STXBP5L: variants seen among roughly 807,000 people sequenced by gnomAD.
STXBP5L encodes the protein syntaxin-binding protein 5-like.
STXBP5L carries 65 observed loss-of-function variants against 144.5 expected under a neutral mutation model. That is an observed-to-expected ratio of 0.45 (90% CI 0.37 to 0.55). The LOEUF (loss-of-function observed/expected upper bound fraction) is 0.55. STXBP5L is among the 20% of genes least tolerant of loss of function. STXBP5L has a pLI of 0.00. For synonymous variants in STXBP5L, 505 were observed against 469.6 expected (o/e 1.08, Z -0.97); for missense variants, 1,298 against 1,405.5 (o/e 0.92, Z 1.22).
intron 9 of STXBP5L, among the ~76,000 whole-genome samples, chr3:121,191,224 C>T (rs969383652): frequency 1.3e-4 from 20 of 152,272 alleles, no homozygotes; most frequent in East Asian, 3.9e-4. Context: ...GCCGAGATCA[C>T]GCCACTGCAC....
At chr3:121,114,500 TATG>T (rs1170843104) in intron 5 of STXBP5L, among the ~76,000 whole-genome samples, 1 of 152,124 alleles carries the variant, frequency 6.6e-6, no homozygotes, top group Non-Finnish European at 1.5e-5. Flanking sequence ...TTGAAGCAAA[TATG>T]ATCTTAAAAA....
chr3:121,165,657 G>A (rs2108036457), intron 9 of STXBP5L, among the ~76,000 whole-genome samples: 1 of 152,160 alleles, frequency 6.6e-6, no homozygotes, highest in South Asian at 2.1e-4. Context: ...AGGAAAAAAA[G>A]GGAAACAAGG....
chr3:121,407,795 C>T, intron 23 of STXBP5L, 192 bp downstream of exon 23: 1 of 736,880 alleles, frequency 1.4e-6, no homozygotes, highest in South Asian at 2.2e-5. Flanking sequence ...TTTGGTTTTT[C>T]TTTTCTGCTA....
intron 19 of STXBP5L, among the ~76,000 whole-genome samples, chr3:121,312,443 A>T (rs2043568336): frequency 4.5e-5 from 3 of 66,814 alleles, no homozygotes; most frequent in Non-Finnish European, 8.4e-5. Flanking sequence ...AAGGTATGTC[A>T]ATCTTTTTTT....
rs182966675 is a variant in STXBP5L, at chr3:120,989,900, G to A, written c.287+34863G>A. Among the ~76,000 whole-genome samples, 386 of 152,242 alleles carry A rather than the reference G, an allele frequency of 2.5e-3. 1 individual carries two copies. The highest frequency in any genetic ancestry group is 8.7e-3 in the African/African-American group (360 of 41,536). On this transcript the variant is annotated intron_variant, in intron 3 of 26. Coordinates refer to ENST00000471454, the MANE Select transcript of STXBP5L (RefSeq NM_001308330.2). ...GCATTCTCTTTGAAAACTGGCACAA[G>A]ACAGGGATGCCCTCTCTCACCACTT...
chr3:121,027,006 A>T (rs1027905745), intron 3 of STXBP5L, among the ~76,000 whole-genome samples: 1 of 151,940 alleles, frequency 6.6e-6, no homozygotes, highest in African/African-American at 2.4e-5. Flanking sequence ...CTTCAGCTCA[A>T]AATAATCCAT....
chr3:120,953,159 A>T (rs1395066543), intron 2 of STXBP5L, among the ~76,000 whole-genome samples: 1 of 152,002 alleles, frequency 6.6e-6, no homozygotes, highest in African/African-American at 2.4e-5. Flanking sequence ...AATGGATCTT[A>T]CAGACATGCT....
chr3:121,345,998 C>T (rs1485227388), intron 20 of STXBP5L, among the ~76,000 whole-genome samples: 1 of 151,794 alleles, frequency 6.6e-6, no homozygotes, highest in African/African-American at 2.4e-5. Context: ...TACGTGTGCA[C>T]AACGTGCGGG....
chr3:121,247,696 C>T (rs1454382905), intron 14 of STXBP5L, among the ~76,000 whole-genome samples: 2 of 152,132 alleles, frequency 1.3e-5, no homozygotes, highest in Non-Finnish European at 2.9e-5. Context: ...TATATATGTA[C>T]TATATTTTCT....
At chr3:120,941,946 T>C (rs947514104) in intron 2 of STXBP5L, among the ~76,000 whole-genome samples, 2 of 151,800 alleles carry the variant, frequency 1.3e-5, no homozygotes, top group African/African-American at 4.8e-5. Flanking sequence ...CATATGCTCC[T>C]ATAAGCATTT....
chr3:121,104,049 G>T (rs73189326), intron 5 of STXBP5L, among the ~76,000 whole-genome samples: 5,415 of 152,182 alleles, frequency 0.036, 146 homozygotes, highest in Middle Eastern at 0.082. Context: ...CTACATGCTG[G>T]TACATAGTAT....
chr3:120,975,161 C>T (rs1221810088), intron 3 of STXBP5L, among the ~76,000 whole-genome samples: 1 of 152,212 alleles, frequency 6.6e-6, no homozygotes, highest in Non-Finnish European at 1.5e-5. Context: ...GATATTGCTT[C>T]TTCCTACTCA....
chr3:120,939,135 C>A (rs2107645867), intron 2 of STXBP5L, among the ~76,000 whole-genome samples: 1 of 152,230 alleles, frequency 6.6e-6, no homozygotes, highest in Non-Finnish European at 1.5e-5. Flanking sequence ...TACCACCCAT[C>A]TCATGGGGCT....
At position 121,271,578 on chromosome 3, in the gene STXBP5L, T is replaced by C. The variant is rs577227977; in HGVS notation, c.1959-8227T>C. On this transcript the variant is annotated intron_variant, in intron 18 of 26. Coordinates refer to ENST00000471454, the MANE Select transcript of STXBP5L (RefSeq NM_001308330.2). ...AAGAAAAAACAAACATTGAACACTT[T>C]TTGATATATATGAGATACAATTTTA... Among the ~76,000 whole-genome samples the C allele has an allele frequency of 1.3e-4, 20 of 152,322 alleles. No individual in the cohort carries two copies. The South Asian group carries it at 4.1e-3, about 32-fold the overall frequency.
rs1478208130 is a variant in STXBP5L, at chr3:121,378,832, C to T, written c.2293C>T (p.Arg765Ter). The part of the protein sequence containing the change: ...NRWGPGRPPF[R>*]KAQSAACMEI... ...CTGGGGTCCTGGAAGACCACCATTTCGAAAGGCCCAGTCAGCAGCCTGCAT... is the reference window on the plus strand; with the variant it reads ...CTGGGGTCCTGGAAGACCACCATTTTGAAAGGCCCAGTCAGCAGCCTGCAT... The change falls in exon 21 of 27, where the codon CGA becomes TGA. Residue 765 changes from arginine to a stop codon, truncating the protein, a stop_gained. Coordinates refer to ENST00000471454, the MANE Select transcript of STXBP5L (RefSeq NM_001308330.2). LOFTEE classifies it high-confidence loss of function. 6 of 1,613,596 alleles carry T rather than the reference C, an allele frequency of 3.7e-6. No homozygotes were observed. Among genetic ancestry groups the T allele is most frequent in the Non-Finnish European group, 4.2e-6 (5 of 1,179,846 alleles).
At position 121,324,898 on chromosome 3, in the gene STXBP5L, C is replaced by T. The variant is rs151024865; in HGVS notation, c.2176+6358C>T. Among the ~76,000 whole-genome samples the T allele has an allele frequency of 2.7e-4, 41 of 152,030 alleles. No homozygotes were observed. The East Asian group carries it at 3.1e-3, about 11-fold the overall frequency. On this transcript the variant is annotated intron_variant, in intron 20 of 26. Coordinates refer to ENST00000471454, the MANE Select transcript of STXBP5L (RefSeq NM_001308330.2). ...TAAGAAAGTAAGGGGGTCGCGGGTA[C>T]GGTCAATAGAGAATTCAGTGAAATC...
chr3:121,084,832 C>G (rs2042413867), intron 5 of STXBP5L, among the ~76,000 whole-genome samples: 1 of 152,172 alleles, frequency 6.6e-6, no homozygotes, highest in South Asian at 2.1e-4. Context: ...TTCCCACCAG[C>G]AGAGTAAAAG....
At chr3:121,294,300 T>G (rs2051562329) in intron 19 of STXBP5L, among the ~76,000 whole-genome samples, 2 of 152,190 alleles carry the variant, frequency 1.3e-5, no homozygotes, top group African/African-American at 4.8e-5. Context: ...ATGTGAGAGA[T>G]AAGAGAGTGG....
At chr3:121,299,837 AAGTT>A (rs1221967124) in intron 19 of STXBP5L, among the ~76,000 whole-genome samples, 1 of 151,672 alleles carries the variant, frequency 6.6e-6, no homozygotes, top group Non-Finnish European at 1.5e-5. Flanking sequence ...AAACTACAAA[AAGTT>A]AGCTGGGCAT....
Sources: allele counts gnomAD v4.1 joint callset (sites outside exome capture counted in the v4.1 genomes callset), GRCh38; gene constraint gnomAD v4.1.1; transcripts MANE v1.5; gene names NCBI Gene and HGNC (gene_info 2026-07-23, HGNC 2026-07-21).